Variants in ARFIP1 observed in about 807,000 individuals in gnomAD.
ARFIP1 encodes the protein ARF interacting protein 1, also known as arfaptin-1.
ARFIP1 carries 24 observed loss-of-function variants against 42.5 expected under a neutral mutation model. The observed-to-expected ratio is 0.57, with a 90% CI of 0.41 to 0.80. ARFIP1 has a LOEUF of 0.80. Among genes scored for constraint, ARFIP1 ranks in the 30% least tolerant of loss-of-function variants. The probability of loss-of-function intolerance (pLI) is 0.00; values close to 1 mark genes in which losing one functional copy is unlikely to be tolerated. For synonymous variants in ARFIP1, 141 were observed against 153.7 expected (o/e 0.92, Z 0.61); for missense variants, 354 against 434.0 (o/e 0.82, Z 1.64).
chr4:152,818,166 A>C (rs1730059499), intron 1 of ARFIP1, among the ~76,000 whole-genome samples: 1 of 152,206 alleles, frequency 6.6e-6, no homozygotes, highest in African/African-American at 2.4e-5. Flanking sequence ...CACTGTGAAC[A>C]TTTTTCCAAG....
At chr4:152,804,751 A>G (rs1267180794) in intron 1 of ARFIP1, among the ~76,000 whole-genome samples, 1 of 151,748 alleles carries the variant, frequency 6.6e-6, no homozygotes, top group African/African-American at 2.4e-5. Flanking sequence ...TAAATGAGAT[A>G]ATGCACATAA....
At chr4:152,790,562 A>C (rs903474302) in intron 1 of ARFIP1, among the ~76,000 whole-genome samples, 1 of 152,206 alleles carries the variant, frequency 6.6e-6, no homozygotes, top group Admixed American at 6.5e-5. Context: ...AGACTTCTGC[A>C]GACAGTCAGT....
intron 1 of ARFIP1, among the ~76,000 whole-genome samples, chr4:152,828,432 T>C (rs1215638340): frequency 6.6e-6 from 1 of 152,244 alleles, no homozygotes; most frequent in Admixed American, 6.5e-5. Context: ...TATCTCATTA[T>C]TGTTTTAATT....
intron 2 of ARFIP1, among the ~76,000 whole-genome samples, chr4:152,850,483 G>A (rs1732891095): frequency 1.3e-5 from 2 of 152,080 alleles, no homozygotes; most frequent in African/African-American, 4.8e-5. Context: ...CGAGGGCAGT[G>A]AGGAAGGTGA....
intron 8 of ARFIP1, 60 bp downstream of exon 8, chr4:152,888,367 A>T: frequency 8.1e-7 from 1 of 1,235,756 alleles, no homozygotes; most frequent in Non-Finnish European, 1.1e-6. Context: ...AAAGAGAGAT[A>T]GTCAGTTTTT....
At chr4:152,853,836 A>G (rs977320409) in intron 2 of ARFIP1, among the ~76,000 whole-genome samples, 1 of 146,388 alleles carries the variant, frequency 6.8e-6, no homozygotes, top group Non-Finnish European at 1.5e-5. Flanking sequence ...TACTTTCCTC[A>G]TTCTTTTTTA....
chr4:152,839,252 A>T (rs1465827728), intron 2 of ARFIP1, among the ~76,000 whole-genome samples: 1 of 151,976 alleles, frequency 6.6e-6, no homozygotes, highest in Non-Finnish European at 1.5e-5. Context: ...TTTTTTGATT[A>T]TGTCCTTTCC....
intron 8 of ARFIP1, among the ~76,000 whole-genome samples, chr4:152,895,611 A>C (rs1737250551): frequency 7.9e-6 from 1 of 126,452 alleles, no homozygotes; most frequent in Admixed American, 1.0e-4. Flanking sequence ...TCCAGGCTAG[A>C]GTATAGTGGT....
chr4:152,894,650 T>C (rs1254812682), intron 8 of ARFIP1, among the ~76,000 whole-genome samples: 1 of 152,230 alleles, frequency 6.6e-6, no homozygotes, highest in Non-Finnish European at 1.5e-5. Context: ...GATTGATGTC[T>C]GTAAGCATAA....
chr4:152,782,044 T>TAGGGG (rs1730530323), intron 1 of ARFIP1, among the ~76,000 whole-genome samples: 1 of 151,996 alleles, frequency 6.6e-6, no homozygotes, highest in Non-Finnish European at 1.5e-5. Flanking sequence ...TGAAAACAGG[T>TAGGGG]TTTGTGTGTG....
chr4:152,811,087 A>G (rs1204409663), intron 1 of ARFIP1, among the ~76,000 whole-genome samples: 1 of 125,188 alleles, frequency 8.0e-6, no homozygotes, highest in African/African-American at 3.2e-5. Flanking sequence ...GCTAAGGTTA[A>G]GCCTTTTTTT....
intron 8 of ARFIP1, among the ~76,000 whole-genome samples, chr4:152,904,437 G>T (rs553094528): frequency 1.3e-4 from 19 of 151,814 alleles, no homozygotes; most frequent in African/African-American, 3.6e-4. Context: ...TGATCTGCCC[G>T]CCTCGGCCTC....
At chr4:152,796,478 C>T in intron 1 of ARFIP1, 1 of 730,882 alleles carries the variant, frequency 1.4e-6, no homozygotes, top group Non-Finnish European at 2.5e-6. Flanking sequence ...ATACTTTAGG[C>T]AGAGGGACTT....
chr4:152,823,580 A>G (rs1276579826), intron 1 of ARFIP1, among the ~76,000 whole-genome samples: 1 of 152,024 alleles, frequency 6.6e-6, no homozygotes, highest in Non-Finnish European at 1.5e-5. Context: ...GGAGTTCGAG[A>G]CCAGCCCAGC....
Position 152,795,820 on chromosome 4 carries a change from A to ATTTTTTTTTTTTTTTTTTTTTTTTT in ARFIP1, c.-10+15602_-10+15626dup, listed in dbSNP as rs56845391. 5.3e-4 allele frequency among the ~76,000 whole-genome samples: 15 copies of ATTTTTTTTTTTTTTTTTTTTTTTTT among 28,066 alleles called. 1 individual carries two copies. The highest frequency in any genetic ancestry group is 1.2e-3 in the East Asian group (1 of 826). 18.4% of individuals were successfully genotyped at this position (28,066 alleles called of 152,430 possible). On this transcript the variant is annotated intron_variant, in intron 1 of 8. Transcript: ENST00000353617. ...CGATTGTTACTTGAGGGCCCTTGTA[A>ATTTTTTTTTTTTTTTTTTTTTTTTT]TTTTTTTTTTTTTTTTTTTTTTTTT... is the stretch of plus-strand genomic sequence containing the variant.
At chr4:152,893,088 T>C (rs1736999160) in intron 8 of ARFIP1, among the ~76,000 whole-genome samples, 1 of 152,234 alleles carries the variant, frequency 6.6e-6, no homozygotes, top group African/African-American at 2.4e-5. Flanking sequence ...GTAGACTTTG[T>C]GAGAGTAGAT....
chr4:152,895,587 G>T (rs550287199), intron 8 of ARFIP1, among the ~76,000 whole-genome samples: 54 of 138,140 alleles, frequency 3.9e-4, no homozygotes, highest in African/African-American at 1.1e-3. Context: ...TTGAGATAGG[G>T]TGTTGTTCTG....
chr4:152,888,081 G>T, intron 7 of ARFIP1, 52 bp from the exon 8 acceptor site: 2 of 1,449,156 alleles, frequency 1.4e-6, no homozygotes, highest in South Asian at 2.8e-5. Context: ...CCCATTTTTT[G>T]AACATACTTT....
intron 2 of ARFIP1, among the ~76,000 whole-genome samples, chr4:152,841,418 GCT>G (rs1275887260): frequency 1.3e-5 from 2 of 152,140 alleles, no homozygotes; most frequent in Non-Finnish European, 2.9e-5. Flanking sequence ...CATTCATTGT[GCT>G]CTTTGTTGCC....
Sources: gnomAD v4.1 joint callset for allele counts (sites outside exome capture counted in the v4.1 genomes callset) on GRCh38, gnomAD v4.1.1 for gene constraint, MANE v1.5 for transcripts, NCBI Gene and HGNC (gene_info 2026-07-23, HGNC 2026-07-21) for gene names.